Variants in RFX1 observed in about 807,000 individuals in gnomAD.
The protein encoded by RFX1 is regulatory factor X1.
RFX1 carries 42 observed loss-of-function variants against 119.6 expected under a neutral mutation model. That is an observed-to-expected ratio of 0.35 (90% confidence interval 0.27 to 0.45). RFX1 has a LOEUF of 0.45. RFX1 is among the 20% of genes least tolerant of loss of function. RFX1 has a pLI of 1.00. For missense variants in RFX1, 1,118 were observed against 1,368.1 expected (o/e 0.82, Z 2.88); for synonymous variants, 628 against 618.5 (o/e 1.02, Z -0.23).
intron 9 of RFX1, 116 bp from the exon 10 acceptor site, chr19:13,970,291 A>G (rs763308686): frequency 7.4e-6 from 6 of 810,426 alleles, no homozygotes; most frequent in East Asian, 2.7e-5. Context: ...CCACGCCCAC[A>G]TAAGTTAGCA....
Position 13,965,757 on chromosome 19 carries a change from C to T in RFX1, c.1982G>A (p.Arg661Gln), listed in dbSNP as rs942094601. The T allele has an allele frequency of 3.3e-5, 54 of 1,613,594 alleles. No individual in the cohort carries two copies. Among genetic ancestry groups the T allele is most frequent in the Non-Finnish European group, 4.4e-5 (52 of 1,179,954 alleles). Residue 661 changes from arginine (R) to glutamine (Q), a missense_variant, in exon 15 of 21, where the codon CGA becomes CAA. Arg to Gln is a conservative substitution (Grantham distance 43, BLOSUM62 1). Coordinates refer to ENST00000254325, the MANE Select transcript of RFX1 (RefSeq NM_002918.5). This position sits in a 1 kb window ranked among gnomAD's most constrained non-coding sequence, Gnocchi z 4.7. The stretch of plus-strand genomic sequence containing the variant: ...GAGCACCAGGATGGCTTTGGGCAGT[C>T]GCTTCTCGGCCTCGTCATGTCTGCG... ...PLAVHDEAEK[R>Q]LPKAILVLLS...
At chr19:13,999,829 CCAT>C (rs1464093747) in intron 1 of RFX1, among the ~76,000 whole-genome samples, 1 of 152,140 alleles carries the variant, frequency 6.6e-6, no homozygotes, top group Non-Finnish European at 1.5e-5. Flanking sequence ...GTGCCCACCA[CCAT>C]GCCTGGCTAG....
At chr19:13,989,713 G>A (rs2145611442) in intron 2 of RFX1, among the ~76,000 whole-genome samples, 1 of 152,332 alleles carries the variant, frequency 6.6e-6, no homozygotes, top group South Asian at 2.1e-4. Flanking sequence ...AGTGCCCATG[G>A]AACCACCTGG....
rs1973967125 is a variant in RFX1 at position 13,968,277 on chromosome 19, TAAAG to T, written c.1732+284_1732+287del. The stretch of plus-strand genomic sequence containing the variant: ...AAAAATAAACAAATAAATACAAAAA[TAAAG>T]AAAATCTCAAGTAGCATAAAGGGGA... On this transcript the variant is annotated intron_variant, in intron 12 of 20. Transcript: ENST00000254325. The surrounding 1 kb of genome is among the most constrained non-coding windows in gnomAD (Gnocchi z 5.5). Among the ~76,000 whole-genome samples the T allele has an allele frequency of 1.3e-5, 2 of 151,842 alleles. No homozygotes were observed. The highest frequency in any genetic ancestry group is 1.3e-4 in the Admixed American group (2 of 15,272).
chr19:13,992,820 T>C (rs529793175), intron 2 of RFX1, among the ~76,000 whole-genome samples: 1 of 152,302 alleles, frequency 6.6e-6, no homozygotes, highest in South Asian at 2.1e-4. Context: ...GACATCTTAT[T>C]TGCAAAGAGA....
intron 8 of RFX1, among the ~76,000 whole-genome samples, chr19:13,976,519 C>T (rs1974257555): frequency 6.6e-6 from 1 of 152,158 alleles, no homozygotes; most frequent in Admixed American, 6.5e-5. Flanking sequence ...AGTGCTGTAC[C>T]CAGGGAGGGG....
intron 18 of RFX1, 118 bp downstream of exon 18, chr19:13,963,420 G>T: frequency 7.0e-7 from 1 of 1,425,164 alleles, no homozygotes. Context: ...ATGAGCCCAG[G>T]GCCCCAGCCT....
intron 1 of RFX1, among the ~76,000 whole-genome samples, chr19:13,996,167 T>G (rs1347061711): frequency 6.6e-6 from 1 of 152,198 alleles, no homozygotes; most frequent in Non-Finnish European, 1.5e-5. Flanking sequence ...GGCAGATGGT[T>G]TGGGGACCCT....
intron 8 of RFX1, among the ~76,000 whole-genome samples, chr19:13,974,519 G>A (rs1281636365): frequency 2.0e-5 from 3 of 152,154 alleles, no homozygotes; most frequent in South Asian, 2.1e-4. Context: ...GTCGTCCCCC[G>A]AAAGAACAAG....
chr19:14,002,148 A>G (rs1334306494), intron 1 of RFX1, among the ~76,000 whole-genome samples: 1 of 150,426 alleles, frequency 6.6e-6, no homozygotes, highest in Non-Finnish European at 1.5e-5. Context: ...AATAAACCAA[A>G]CCGAAACAAA....
intron 1 of RFX1, among the ~76,000 whole-genome samples, chr19:14,002,529 C>T (rs1975250960): frequency 6.6e-6 from 1 of 152,038 alleles, no homozygotes; most frequent in African/African-American, 2.4e-5. Context: ...AGAAAACTGA[C>T]AGGCAAATAG....
intron 5 of RFX1, among the ~76,000 whole-genome samples, 197 bp downstream of exon 5, chr19:13,981,924 G>T (rs1488431360): frequency 6.6e-6 from 1 of 152,222 alleles, no homozygotes; most frequent in Non-Finnish European, 1.5e-5. Flanking sequence ...GAGCTGGCAG[G>T]GCCAGGAATT....
In RFX1 at chr19:13,963,999, C is replaced by A; in HGVS notation, c.2220G>T (p.Ala740=). 1 of 1,534,396 alleles carries A rather than the reference C, an allele frequency of 6.5e-7. No homozygotes were observed. ...PEEMLRVKVA[A]AGAFAQTLRR... is the part of the protein sequence containing the mutation. ...GCAGTGTCTGCGCGAAGGCGCCAGC[C>A]GCGGCCACCTGCGTGCAGGGATTGA... The change falls in exon 17 of 21, where the codon GCG becomes GCT. Residue 740 remains alanine (A), a synonymous_variant. Coordinates refer to ENST00000254325, the MANE Select transcript of RFX1 (RefSeq NM_002918.5).
chr19:13,964,006 A>C lies in RFX1; in HGVS notation c.2213T>G (p.Val738Gly), dbSNP rs933760047. Residue 738 changes from valine to glycine, a missense_variant and splice_region_variant, in exon 17 of 21, where the codon GTG becomes GGG. Transcript: ENST00000254325. ...CTGCGCGAAGGCGCCAGCCGCGGCC[A>C]CCTGCGTGCAGGGATTGAGGGGCTT... ...NIPEEMLRVK[V>G]AAAGAFAQTL... 2.0e-6 allele frequency: 3 copies of C among 1,533,032 alleles called. No individual in the cohort carries two copies. In the African/African-American group the frequency reaches 4.1e-5, roughly 21 times the overall value. The allele number at this position is 1,533,032 out of a possible 1,614,324, so 95.0% of individuals were successfully genotyped here. A position where few individuals can be genotyped will look rare whatever the true frequency, so the allele number is the denominator to read the frequency against.
In RFX1 at chr19:13,972,850, T is replaced by TGCTGCC; in HGVS notation, c.1201_1206dup (p.Gly401_Ser402dup). On this transcript the variant is annotated inframe_insertion, in exon 9 of 21. Transcript: ENST00000254325. Reference sequence around the variant, plus strand: ...CCTGCTCCGCTGCCGCCGCCTCCGGTGCTGCCACTGCCACCCCCGCCACCG... The same window carrying TGCTGCC: ...CCTGCTCCGCTGCCGCCGCCTCCGGTGCTGCCGCTGCCACTGCCACCCCCGCCACCG... 1.3e-6 allele frequency: 2 copies of TGCTGCC among 1,573,008 alleles called. No individual in the cohort carries two copies. Among genetic ancestry groups the TGCTGCC allele is most frequent in the Non-Finnish European group, 1.7e-6 (2 of 1,162,620 alleles).
chr19:13,988,228 T>C (rs940926640), intron 2 of RFX1, among the ~76,000 whole-genome samples: 10 of 152,074 alleles, frequency 6.6e-5, no homozygotes, highest in Non-Finnish European at 1.2e-4. Context: ...GGTTTCATCA[T>C]GTTGGCCAGG....
In RFX1 at chr19:13,963,610, A is replaced by G; in HGVS notation, c.2498T>C (p.Leu833Pro). ...GCCGGCGCTGCCCTGGTAGGGCTTG[A>G]GCACCTGGCTCACCACGCCGTCCAG... ...AWLDGVVSQV[L>P]KPYQGSAGFP... Residue 833 changes from leucine (L) to proline (P), a missense_variant, in exon 18 of 21, where the codon CTC becomes CCC. By Grantham distance (98) the Leu-to-Pro change is moderately conservative. Transcript: ENST00000254325. 3 of 1,603,480 alleles carry G rather than the reference A, an allele frequency of 1.9e-6. No individual in the cohort carries two copies. Among genetic ancestry groups the G allele is most frequent in the Non-Finnish European group, 2.5e-6 (3 of 1,178,562 alleles).
chr19:13,967,755 G>A (rs1333787197), intron 12 of RFX1, among the ~76,000 whole-genome samples: 1 of 151,798 alleles, frequency 6.6e-6, no homozygotes, highest in Non-Finnish European at 1.5e-5. Flanking sequence ...TGGGATTACA[G>A]ACATGAACCA....
chr19:13,983,154 T>C (rs376775546), intron 4 of RFX1, 33 bp downstream of exon 4: 162 of 1,501,762 alleles, frequency 1.1e-4, no homozygotes, highest in Admixed American at 2.0e-4. Flanking sequence ...TGAGGGAGCC[T>C]TCCAGGGTGG....
Sources: gnomAD v4.1 joint callset for allele counts (sites outside exome capture counted in the v4.1 genomes callset) on GRCh38, gnomAD v4.1.1 for gene constraint, Gnocchi (gnomAD v3.1) non-coding constraint, MANE v1.5 for transcripts, NCBI Gene and HGNC (gene_info 2026-07-23, HGNC 2026-07-21) for gene names.